The following ZNF804B variants were observed in gnomAD, a reference collection of about 807,000 sequenced individuals.
The protein encoded by ZNF804B is zinc finger protein 804B, also known as zinc finger 804B.
ZNF804B carries 80 observed loss-of-function variants against 101.4 expected under a neutral mutation model. The ratio of observed to expected loss-of-function variants is 0.79; its 90% CI spans 0.66 to 0.95. ZNF804B has a LOEUF of 0.95. ZNF804B is among the 40% of genes least tolerant of loss of function. The pLI, the probability that ZNF804B is intolerant of heterozygous loss-of-function variation, is 0.00. For missense variants in ZNF804B, 1,673 were observed against 1,561.9 expected (o/e 1.07, Z -1.20); for synonymous variants, 622 against 558.8 (o/e 1.11, Z -1.59).
intron 1 of ZNF804B, among the ~76,000 whole-genome samples, chr7:88,887,565 A>G (rs1792146950): frequency 6.6e-6 from 1 of 152,132 alleles, no homozygotes; most frequent in South Asian, 2.1e-4. Flanking sequence ...TAGCTTTGTC[A>G]AAGATCAGCT....
chr7:89,085,106 G>C (rs909063385), intron 1 of ZNF804B, among the ~76,000 whole-genome samples: 2 of 150,744 alleles, frequency 1.3e-5, no homozygotes, highest in Admixed American at 1.3e-4. Context: ...AAGTAACCCT[G>C]TTCAGCATTC....
chr7:88,886,091 T>G (rs1162997493), intron 1 of ZNF804B, among the ~76,000 whole-genome samples: 1 of 152,072 alleles, frequency 6.6e-6, no homozygotes, highest in East Asian at 1.9e-4. Context: ...TGAACATAAT[T>G]TAGGAGACGA....
intron 2 of ZNF804B, among the ~76,000 whole-genome samples, chr7:89,278,493 T>G (rs1404248422): frequency 6.6e-6 from 1 of 151,036 alleles, no homozygotes; most frequent in African/African-American, 2.4e-5. Context: ...GGTCTAACGT[T>G]TCAGTCTTTA....
intron 1 of ZNF804B, among the ~76,000 whole-genome samples, chr7:89,216,241 G>A (rs1788894087): frequency 6.6e-6 from 1 of 152,180 alleles, no homozygotes; most frequent in Non-Finnish European, 1.5e-5. Context: ...CCGGGAGGGG[G>A]AGGTCGCGGT....
intron 2 of ZNF804B, among the ~76,000 whole-genome samples, chr7:89,310,155 T>C (rs537118669): frequency 6.6e-6 from 1 of 151,952 alleles, no homozygotes; most frequent in African/African-American, 2.4e-5. Flanking sequence ...GCAGTTCTGA[T>C]GCTTGACATT....
chr7:88,982,057 T>A (rs1793700797), intron 1 of ZNF804B, among the ~76,000 whole-genome samples: 2 of 152,040 alleles, frequency 1.3e-5, no homozygotes. Flanking sequence ...TCTATTTGAC[T>A]GTCTTGCTCT....
intron 1 of ZNF804B, among the ~76,000 whole-genome samples, chr7:88,872,283 C>T (rs537021717): frequency 3.0e-4 from 46 of 152,008 alleles, no homozygotes; most frequent in Non-Finnish European, 4.6e-4. Context: ...TTAAAATCCA[C>T]GATCATGCCT....
Position 89,297,001 on chromosome 7 carries a change from T to C in ZNF804B, c.250-30343T>C, listed in dbSNP as rs137863634. ...GTTTTTATTGCTTTGCACTAACCAA[T>C]AATTATGTGTACAAAATTGAGCGGT... On this transcript the variant is annotated intron_variant, in intron 2 of 3. Transcript: ENST00000333190. Among the ~76,000 whole-genome samples, 476 of 152,194 alleles carry C rather than the reference T, an allele frequency of 3.1e-3. 2 individuals are homozygous for C. The highest frequency in any genetic ancestry group is 0.011 in the African/African-American group (446 of 41,568).
intron 1 of ZNF804B, among the ~76,000 whole-genome samples, chr7:88,824,290 C>T (rs1473238982): frequency 2.0e-5 from 3 of 152,078 alleles, no homozygotes; most frequent in Admixed American, 1.3e-4. Flanking sequence ...ATCATGGGGG[C>T]GGTTAGCCTC....
intron 2 of ZNF804B, among the ~76,000 whole-genome samples, chr7:89,254,991 G>A (rs547695573): frequency 1.1e-3 from 163 of 152,240 alleles, no homozygotes; most frequent in Non-Finnish European, 1.6e-3. Context: ...TTTGTTTGAA[G>A]TATTGTAATA....
At chr7:88,989,304 A>G (rs1793810036) in intron 1 of ZNF804B, among the ~76,000 whole-genome samples, 1 of 152,088 alleles carries the variant, frequency 6.6e-6, no homozygotes, top group African/African-American at 2.4e-5. Context: ...CAGGGTTGGC[A>G]ACCATTTCAA....
In ZNF804B at chr7:89,327,365, C is replaced by T. The variant is rs767801363; in HGVS notation, c.271C>T (p.Arg91Trp). 2.8e-5 allele frequency: 45 copies of T among 1,605,372 alleles called. No homozygotes were observed. Among genetic ancestry groups the T allele is most frequent in the South Asian group, 1.2e-4 (11 of 89,016 alleles). The change falls in exon 3 of 4, where the codon CGG (arginine) becomes TGG (tryptophan). Residue 91 changes from arginine to tryptophan, a missense_variant. Transcript: ENST00000333190. Reference sequence around the variant, plus strand: ...CAAGAGACTGAAAGAATTAAAGCAACGGGAATTTGCTCGAAATGTAGCTTC... The same window carrying T: ...CAAGAGACTGAAAGAATTAAAGCAATGGGAATTTGCTCGAAATGTAGCTTC... ...HKQRLKELKQ[R>W]EFARNVASKS...
At chr7:88,925,350 C>A (rs1045068471) in intron 1 of ZNF804B, among the ~76,000 whole-genome samples, 5 of 152,230 alleles carry the variant, frequency 3.3e-5, no homozygotes, top group Non-Finnish European at 5.9e-5. Flanking sequence ...AAAGACCTAA[C>A]CCCAGTACTT....
chr7:89,015,764 C>G (rs1788542144), intron 1 of ZNF804B, among the ~76,000 whole-genome samples: 3 of 152,126 alleles, frequency 2.0e-5, no homozygotes, highest in Admixed American at 2.0e-4. Flanking sequence ...GGTTCCAAGT[C>G]TTTGCTATTG....
At chr7:89,089,260 T>G (rs1789849345) in intron 1 of ZNF804B, among the ~76,000 whole-genome samples, 1 of 152,064 alleles carries the variant, frequency 6.6e-6, no homozygotes, top group Admixed American at 6.6e-5. Flanking sequence ...GTGTTAAAAT[T>G]ACCATTCTCT....
At chr7:89,254,617 C>A (rs1464240084) in intron 2 of ZNF804B, among the ~76,000 whole-genome samples, 2 of 151,134 alleles carry the variant, frequency 1.3e-5, no homozygotes. Context: ...TGAAAACAGC[C>A]AGGACACTAT....
At position 89,337,002 on chromosome 7, in the gene ZNF804B, G is replaced by C. The variant is rs752324077; in HGVS notation, c.4020G>C (p.Glu1340Asp). 6.2e-7 allele frequency: 1 copy of C among 1,613,918 alleles called. No homozygotes were observed. Among genetic ancestry groups the C allele is most frequent in the Admixed American group, 1.7e-5 (1 of 59,960 alleles). The change falls in exon 4 of 4, where the codon GAG (glutamate) becomes GAC (aspartate). Residue 1340 changes from glutamate (E) to aspartate (D), a missense_variant. Glu to Asp is a conservative substitution (Grantham distance 45). Transcript: ENST00000333190. ...SQMQQLNEVK[E>D]ALNVSTHLN ...TGCAACAGCTAAATGAAGTGAAAGAGGCCTTAAATGTGTCCACACACTTGA... is the reference window on the plus strand; with the variant it reads ...TGCAACAGCTAAATGAAGTGAAAGACGCCTTAAATGTGTCCACACACTTGA...
At chr7:89,194,407 TA>T (rs1489537904) in intron 1 of ZNF804B, among the ~76,000 whole-genome samples, 2 of 150,922 alleles carry the variant, frequency 1.3e-5, no homozygotes, top group African/African-American at 2.4e-5. Context: ...TCCTGAATGG[TA>T]ATGCCTAGGT....
chr7:89,213,556 A>G (rs1371807857), intron 1 of ZNF804B, among the ~76,000 whole-genome samples: 1 of 152,236 alleles, frequency 6.6e-6, no homozygotes, highest in African/African-American at 2.4e-5. Context: ...CCCATCTCTC[A>G]GCTTCAAGAG....
Sources: allele counts gnomAD v4.1 joint callset (sites outside exome capture counted in the v4.1 genomes callset), GRCh38; gene constraint gnomAD v4.1.1; transcripts MANE v1.5; gene names NCBI Gene and HGNC (gene_info 2026-07-23, HGNC 2026-07-21).